SLC2A13: variants seen among roughly 807,000 people sequenced by gnomAD.
SLC2A13 encodes proton myo-inositol cotransporter.
A neutral mutation model predicts 64.4 loss-of-function variants in SLC2A13; 32 were observed. That is an observed-to-expected ratio of 0.50 (90% confidence interval 0.37 to 0.67). The LOEUF (loss-of-function observed/expected upper bound fraction) is 0.67, where lower values mean the gene tolerates loss of function less well. Among genes scored for constraint, SLC2A13 ranks in the 30% least tolerant of loss-of-function variants. The pLI is 0.00. For missense variants in SLC2A13, 743 were observed against 829.2 expected (o/e 0.90, Z 1.28); for synonymous variants, 338 against 327.1 (o/e 1.03, Z -0.36).
chr12:39,778,684 C>T (rs1052156766), intron 7 of SLC2A13, among the ~76,000 whole-genome samples: 8 of 152,092 alleles, frequency 5.3e-5, no homozygotes, highest in African/African-American at 1.4e-4. Context: ...ATTGTCTTTT[C>T]GTCATTCATT....
At chr12:40,024,771 A>G (rs1761976456) in intron 3 of SLC2A13, among the ~76,000 whole-genome samples, 1 of 152,234 alleles carries the variant, frequency 6.6e-6, no homozygotes, top group Non-Finnish European at 1.5e-5. Flanking sequence ...GCATTTAGAA[A>G]TAAAGAGGAG....
At chr12:39,922,174 CA>C (rs752208896) in intron 4 of SLC2A13, among the ~76,000 whole-genome samples, 5 of 152,154 alleles carry the variant, frequency 3.3e-5, no homozygotes, top group Admixed American at 6.6e-5. Context: ...ATGAAACGCA[CA>C]AAGAATCTCA....
Position 40,005,675 on chromosome 12 carries a change from T to C in SLC2A13, c.925+22626A>G, listed in dbSNP as rs527569474. 4.6e-5 allele frequency among the ~76,000 whole-genome samples: 7 copies of C among 152,310 alleles called. No homozygotes were observed. The East Asian group carries it at 1.3e-3, about 29-fold the overall frequency. On this transcript the variant is annotated intron_variant, in intron 3 of 9. Coordinates refer to ENST00000280871, the MANE Select transcript of SLC2A13 (RefSeq NM_052885.4). The stretch of plus-strand genomic sequence containing the variant: ...TGAAGCCCAGTAATCTATGTTTTAA[T>C]AGGGTCTCTTGCCACTGATTCAGAT...
intron 3 of SLC2A13, among the ~76,000 whole-genome samples, chr12:39,987,802 G>T (rs994883762): frequency 1.3e-5 from 2 of 151,910 alleles, no homozygotes; most frequent in African/African-American, 4.8e-5. Context: ...TCATATACTT[G>T]TGAGTGCTTA....
At chr12:40,007,057 T>C (rs758978820) in intron 3 of SLC2A13, among the ~76,000 whole-genome samples, 1 of 152,224 alleles carries the variant, frequency 6.6e-6, no homozygotes, top group Non-Finnish European at 1.5e-5. Context: ...TCATGTGTGT[T>C]CAACTTTCGT....
intron 2 of SLC2A13, among the ~76,000 whole-genome samples, chr12:40,042,959 G>GAAAAAAAAA (rs58322891): frequency 1.8e-5 from 2 of 111,458 alleles, no homozygotes; most frequent in African/African-American, 3.5e-5. Context: ...GCATAAGAAT[G>GAAAAAAAAA]AAAAAAAAAA....
intron 4 of SLC2A13, among the ~76,000 whole-genome samples, chr12:39,876,887 G>A (rs140979975): frequency 1.3e-5 from 2 of 152,226 alleles, no homozygotes; most frequent in East Asian, 1.9e-4. Flanking sequence ...TATTCATATT[G>A]TGATATAGGA....
chr12:39,892,106 G>T (rs1944626490), intron 4 of SLC2A13, among the ~76,000 whole-genome samples: 1 of 152,148 alleles, frequency 6.6e-6, no homozygotes, highest in African/African-American at 2.4e-5. Context: ...TCATTCTACT[G>T]CAGTTTACAT....
chr12:39,839,678 T>G (rs548284188), intron 6 of SLC2A13, among the ~76,000 whole-genome samples: 1 of 152,192 alleles, frequency 6.6e-6, no homozygotes, highest in East Asian at 1.9e-4. Flanking sequence ...TCTCCTTTGC[T>G]TCTGTTCTGG....
chr12:40,069,267 C>A (rs940189838), intron 1 of SLC2A13, among the ~76,000 whole-genome samples: 1 of 151,880 alleles, frequency 6.6e-6, no homozygotes, highest in Non-Finnish European at 1.5e-5. Flanking sequence ...TATTCATTCC[C>A]AGAAATAATA....
chr12:40,070,899 A>C (rs1326727455), intron 1 of SLC2A13, among the ~76,000 whole-genome samples: 4 of 152,160 alleles, frequency 2.6e-5, no homozygotes, highest in Admixed American at 2.6e-4. Flanking sequence ...GCTTAGGGCC[A>C]CCTTCGGAAT....
chr12:40,088,412 G>T (rs1938656215), intron 1 of SLC2A13, among the ~76,000 whole-genome samples: 1 of 152,284 alleles, frequency 6.6e-6, no homozygotes, highest in East Asian at 1.9e-4. Flanking sequence ...AACTCTTTGT[G>T]GGGAGAACTG....
intron 3 of SLC2A13, among the ~76,000 whole-genome samples, chr12:39,981,065 T>C (rs1453973354): frequency 2.0e-5 from 3 of 151,928 alleles, no homozygotes; most frequent in African/African-American, 7.3e-5. Flanking sequence ...AGCCTGCTCC[T>C]GAATGACTAC....
chr12:39,970,812 A>G (rs1336557545), intron 3 of SLC2A13, among the ~76,000 whole-genome samples: 1 of 152,194 alleles, frequency 6.6e-6, no homozygotes, highest in Non-Finnish European at 1.5e-5. Flanking sequence ...ACTTTTCACC[A>G]TTCACATTGG....
rs548347538 is a variant in SLC2A13 at position 39,936,978 on chromosome 12, T to C, written c.1034+14279A>G. Reference sequence around the variant, plus strand: ...GCCTAATGGGACTGGAATAGGTCTCTGAGTAGAGTTGCAAGCCAAGACTTG... The same window carrying C: ...GCCTAATGGGACTGGAATAGGTCTCCGAGTAGAGTTGCAAGCCAAGACTTG... On this transcript the variant is annotated intron_variant, in intron 4 of 9. Coordinates refer to ENST00000280871, the MANE Select transcript of SLC2A13 (RefSeq NM_052885.4). Among the ~76,000 whole-genome samples the C allele has an allele frequency of 2.6e-5, 4 of 152,276 alleles. No homozygotes were observed. The South Asian group carries it at 8.3e-4, about 32-fold the overall frequency.
chr12:39,880,826 G>A (rs1478819086), intron 4 of SLC2A13, among the ~76,000 whole-genome samples: 2 of 152,156 alleles, frequency 1.3e-5, no homozygotes, highest in African/African-American at 2.4e-5. Context: ...CCACATCACT[G>A]ACTTTCCTTT....
rs553534378 is a variant in SLC2A13, at chr12:39,864,751, T to G, written c.1319+11A>C. The G allele has an allele frequency of 3.1e-6, 5 of 1,612,160 alleles. No individual in the cohort carries two copies. In the East Asian group the frequency reaches 8.9e-5, roughly 29 times the overall value. On this transcript the variant is annotated intron_variant, in intron 6 of 9. Transcript: ENST00000280871. ...GTCATGTAAAGGAAGAAGAACATAA[T>G]GGAATCTCACCTGTATCTTGTGCAA...
chr12:39,893,770 A>G (rs1944673331), intron 4 of SLC2A13, among the ~76,000 whole-genome samples: 1 of 152,234 alleles, frequency 6.6e-6, no homozygotes, highest in Admixed American at 6.5e-5. Flanking sequence ...CATTAACTAA[A>G]TTGAAAAGAA....
chr12:39,872,002 C>T lies in SLC2A13; in HGVS notation c.1035-41G>A, dbSNP rs745704258. On this transcript the variant is annotated intron_variant, in intron 4 of 9. Transcript: ENST00000280871. ...TAAAACAATTGCTATTGATAGTTAC[C>T]CAAAGAAACAGGGTTATTTTGATAG... is the stretch of plus-strand genomic sequence containing the variant. 4 of 1,451,884 alleles carry T rather than the reference C, an allele frequency of 2.8e-6. No individual in the cohort carries two copies. The African/African-American group carries it at 5.8e-5, about 21-fold the overall frequency. 89.9% of individuals were successfully genotyped at this position (1,451,884 alleles called of 1,614,324 possible).
Sources: gnomAD v4.1 joint callset for allele counts (sites outside exome capture counted in the v4.1 genomes callset) on GRCh38, gnomAD v4.1.1 for gene constraint, MANE v1.5 for transcripts, NCBI Gene and HGNC (gene_info 2026-07-23, HGNC 2026-07-21) for gene names.